DDX60L: variants seen among roughly 807,000 people sequenced by gnomAD.
DDX60L encodes the protein DExD/H-box 60 like.
Under a neutral mutation model 211.6 loss-of-function variants are expected in DDX60L, and 191 were observed. The observed-to-expected ratio is 0.90, with a 90% CI of 0.80 to 1.02. The LOEUF (loss-of-function observed/expected upper bound fraction) is 1.02. Among genes scored for constraint, DDX60L ranks in the 50% least tolerant of loss-of-function variants. DDX60L has a pLI of 0.00. For synonymous variants in DDX60L, 706 were observed against 694.1 expected, an observed-to-expected ratio of 1.02 and a Z score of -0.27; for missense variants, 2,007 against 1,984.1, an observed-to-expected ratio of 1.01 and a Z score of -0.22.
At chr4:168,450,410 A>T (rs866461908) in intron 8 of DDX60L, among the ~76,000 whole-genome samples, 3 of 150,328 alleles carry the variant, frequency 2.0e-5, no homozygotes, top group African/African-American at 7.4e-5. Context: ...GTCCTTAAAA[A>T]CTCTGATCTC....
chr4:168,448,621 G>A lies in DDX60L; in HGVS notation c.1138+17C>T, dbSNP rs756372590. 7 of 1,489,062 alleles carry A rather than the reference G, an allele frequency of 4.7e-6. No homozygotes were observed. In the South Asian group the frequency reaches 8.6e-5, roughly 18 times the overall value. The allele number at this position is 1,489,062 out of a possible 1,614,324, so 92.2% of individuals were successfully genotyped here. A position where few individuals can be genotyped will look rare whatever the true frequency, so the allele number is the denominator to read the frequency against. The stretch of plus-strand genomic sequence containing the variant: ...AATTTGTTCATGATATAATGTTAAT[G>A]CATATTCAGGTACTACCTTGAGTAC... On this transcript the variant is annotated intron_variant, in intron 9 of 37. Coordinates refer to ENST00000682922, the MANE Select transcript of DDX60L (RefSeq NM_001012967.3).
intron 33 of DDX60L, among the ~76,000 whole-genome samples, chr4:168,376,779 T>C (rs1310399576): frequency 6.6e-6 from 1 of 152,236 alleles, no homozygotes; most frequent in African/African-American, 2.4e-5. Flanking sequence ...ATGTGTATGC[T>C]ATACAGCCCC....
intron 32 of DDX60L, 124 bp from the exon 33 acceptor site, chr4:168,378,599 C>T (rs1352533796): frequency 1.6e-6 from 1 of 644,982 alleles, no homozygotes; most frequent in Non-Finnish European, 2.6e-6. Context: ...AAATATATAC[C>T]TCAGAAATTG....
chr4:168,431,346 C>T (rs966144288), intron 12 of DDX60L, among the ~76,000 whole-genome samples: 1 of 151,984 alleles, frequency 6.6e-6, no homozygotes, highest in African/African-American at 2.4e-5. Flanking sequence ...TTGCTTTTTC[C>T]GTGTCTGTGT....
rs1553995702 is a variant in DDX60L at position 168,391,649 on chromosome 4, G to GT, written c.3811-6_3811-5insA. 208 of 1,070,080 alleles carry GT rather than the reference G, an allele frequency of 1.9e-4. No individual in the cohort carries two copies. Among genetic ancestry groups the GT allele is most frequent in the Middle Eastern group, 4.8e-4 (2 of 4,186 alleles). 66.3% of individuals were successfully genotyped at this position (1,070,080 alleles called of 1,614,324 possible). A position where few individuals can be genotyped will look rare whatever the true frequency, so the allele number is the denominator to read the frequency against. ...TGTTTCAGTAGCTGTCACTACCTAG[G>GT]AAAAAAAAAAAAAAACAGTCAATAC... On this transcript the variant is annotated splice_region_variant and splice_polypyrimidine_tract_variant and intron_variant, in intron 28 of 37. Coordinates refer to ENST00000682922, the MANE Select transcript of DDX60L (RefSeq NM_001012967.3).
intron 10 of DDX60L, among the ~76,000 whole-genome samples, chr4:168,435,774 C>T (rs1752952060): frequency 6.6e-6 from 1 of 152,156 alleles, no homozygotes; most frequent in Non-Finnish European, 1.5e-5. Flanking sequence ...CAAAGTATCT[C>T]ACTGGTCCAT....
intron 36 of DDX60L, among the ~76,000 whole-genome samples, chr4:168,362,718 C>A (rs1255065554): frequency 6.6e-6 from 1 of 152,038 alleles, no homozygotes; most frequent in Admixed American, 6.6e-5. Flanking sequence ...CAGACTAGAT[C>A]AAGCTAAAGA....
At chr4:168,449,721 G>GA (rs536677632) in intron 8 of DDX60L, among the ~76,000 whole-genome samples, 1 of 127,062 alleles carries the variant, frequency 7.9e-6, no homozygotes, top group Non-Finnish European at 1.6e-5. Context: ...GGCTGAAACT[G>GA]AAAAGAGTAG....
intron 6 of DDX60L, among the ~76,000 whole-genome samples, chr4:168,457,025 A>G (rs1391591924): frequency 6.6e-6 from 1 of 151,998 alleles, no homozygotes; most frequent in Non-Finnish European, 1.5e-5. Flanking sequence ...AGCCTGGGTA[A>G]CAAAGTGAGA....
At chr4:168,417,383 A>G (rs1749749934) in intron 19 of DDX60L, among the ~76,000 whole-genome samples, 1 of 152,078 alleles carries the variant, frequency 6.6e-6, no homozygotes, top group Admixed American at 6.6e-5. Context: ...CACGTGTTCC[A>G]CCTGAGGGCC....
chr4:168,416,337 C>T (rs552630942), intron 20 of DDX60L, among the ~76,000 whole-genome samples: 3 of 152,280 alleles, frequency 2.0e-5, no homozygotes, highest in Non-Finnish European at 4.4e-5. Context: ...AATTGTCCTG[C>T]ACAATTTCAG....
At position 168,358,108 on chromosome 4, in the gene DDX60L, TA is replaced by T; in HGVS notation, c.*38del. ...AATTATATCTCTCCTTGCAAAGGGA[TA>T]AATACCACATAATCAGACTTGAAAG... On this transcript the variant is annotated 3_prime_UTR_variant, in exon 38 of 38. Transcript: ENST00000682922. 1 of 1,574,658 alleles carries T rather than the reference TA, an allele frequency of 6.4e-7. No individual in the cohort carries two copies. The highest frequency in any genetic ancestry group is 8.7e-7 in the Non-Finnish European group (1 of 1,151,288).
intron 30 of DDX60L, among the ~76,000 whole-genome samples, chr4:168,382,776 A>C (rs1354865336): frequency 6.6e-6 from 1 of 152,184 alleles, no homozygotes; most frequent in East Asian, 1.9e-4. Flanking sequence ...TTTATAAAGG[A>C]AAAAGTAAAA....
At chr4:168,431,559 G>C (rs1437828689) in intron 12 of DDX60L, among the ~76,000 whole-genome samples, 2 of 135,798 alleles carry the variant, frequency 1.5e-5, no homozygotes, top group Admixed American at 8.5e-5. Context: ...TTGTGCGGTG[G>C]GGGGTGGGGG....
rs142188755 is a variant in DDX60L, at chr4:168,437,844, G to A, written c.1294+3493C>T. 2.4e-3 allele frequency among the ~76,000 whole-genome samples: 346 copies of A among 145,540 alleles called. 2 individuals are homozygous for A. The highest frequency in any genetic ancestry group is 4.3e-3 in the Non-Finnish European group (286 of 66,850). Reference sequence around the variant, plus strand: ...CTCCTGGTCTTCACTTAAACCCTTCGGCTGACTCCATGGGGTTTTTTTTTG... The same window carrying A: ...CTCCTGGTCTTCACTTAAACCCTTCAGCTGACTCCATGGGGTTTTTTTTTG... On this transcript the variant is annotated intron_variant, in intron 10 of 37. Coordinates refer to ENST00000682922, the MANE Select transcript of DDX60L (RefSeq NM_001012967.3).
intron 13 of DDX60L, among the ~76,000 whole-genome samples, chr4:168,429,205 C>A (rs1281263420): frequency 6.6e-6 from 1 of 151,986 alleles, no homozygotes; most frequent in Non-Finnish European, 1.5e-5. Context: ...AGTGCAGTGA[C>A]ACGATCTTGG....
intron 32 of DDX60L, among the ~76,000 whole-genome samples, chr4:168,379,032 G>T (rs1280908446): frequency 6.6e-6 from 1 of 152,118 alleles, no homozygotes; most frequent in African/African-American, 2.4e-5. Context: ...TTAAAAGGTG[G>T]CTAGGTTTAA....
intron 25 of DDX60L, among the ~76,000 whole-genome samples, chr4:168,402,724 T>C (rs1747047690): frequency 6.6e-6 from 1 of 152,132 alleles, no homozygotes; most frequent in African/African-American, 2.4e-5. Flanking sequence ...GTGTTTTTTC[T>C]AGGGTCCAGA....
intron 35 of DDX60L, among the ~76,000 whole-genome samples, chr4:168,373,202 T>C (rs970592253): frequency 1.3e-5 from 2 of 152,194 alleles, no homozygotes; most frequent in Non-Finnish European, 2.9e-5. Context: ...GTGGAATTTA[T>C]TTCTCATATT....
Sources: gnomAD v4.1 joint callset for allele counts (sites outside exome capture counted in the v4.1 genomes callset) on GRCh38, gnomAD v4.1.1 for gene constraint, MANE v1.5 for transcripts, NCBI Gene and HGNC (gene_info 2026-07-23, HGNC 2026-07-21) for gene names.